HPS4: variants seen among roughly 807,000 people sequenced by gnomAD.
The protein encoded by HPS4 is BLOC-3 complex member HPS4.
Under a neutral mutation model 70.3 loss-of-function variants are expected in HPS4, and 44 were observed. The ratio of observed to expected loss-of-function variants is 0.63; its 90% CI spans 0.49 to 0.80. HPS4 has a LOEUF of 0.80. HPS4 is among the 30% of genes least tolerant of loss of function. HPS4 has a pLI of 0.00. For missense variants in HPS4, 873 were observed against 884.4 expected, an observed-to-expected ratio of 0.99 and a Z score of 0.16; for synonymous variants, 377 against 355.9, an observed-to-expected ratio of 1.06 and a Z score of -0.67.
At chr22:26,455,045 T>C (rs1035808179) in intron 13 of HPS4, among the ~76,000 whole-genome samples, 114 of 152,116 alleles carry the variant, frequency 7.5e-4, no homozygotes, top group African/African-American at 2.7e-3. Flanking sequence ...CCATCTCACA[T>C]CAGTTAGAAT....
intron 4 of HPS4, among the ~76,000 whole-genome samples, chr22:26,475,019 A>G (rs9608491): frequency 0.18 from 27,412 of 152,166 alleles, 2,651 homozygotes; most frequent in Admixed American, 0.21. Flanking sequence ...AAGTTCTAAC[A>G]GTTTCCTATA....
Position 26,451,424 on chromosome 22 carries a change from C to T in HPS4, c.*1809G>A, listed in dbSNP as rs114419177. 3.0e-4 allele frequency: 46 copies of T among 152,322 alleles called. No homozygotes were observed. The highest frequency in any genetic ancestry group is 1.0e-3 in the African/African-American group (43 of 41,564). 9.4% of individuals were successfully genotyped at this position (152,322 alleles called of 1,614,324 possible). A position where few individuals can be genotyped will look rare whatever the true frequency, so the allele number is the denominator to read the frequency against. ...TGCCCTGGGGCTCTGAGCAGAACCT[C>T]CACTGCAGAAACTAAGCAGGATCAA... On this transcript the variant is annotated 3_prime_UTR_variant, in exon 14 of 14. Transcript: ENST00000398145.
At chr22:26,472,549 T>G (rs2089980306) in intron 5 of HPS4, 131 bp from the exon 6 acceptor site, 2 of 786,632 alleles carry the variant, frequency 2.5e-6, no homozygotes. Context: ...GTTTTAAACC[T>G]ATCCCATCAC....
chr22:26,453,813 TGAG>T, intron 13 of HPS4: 1 of 287,006 alleles, frequency 3.5e-6, no homozygotes, highest in South Asian at 3.3e-5. Flanking sequence ...ACAAGGACCC[TGAG>T]GCTCAGAGTG....
intron 3 of HPS4, among the ~76,000 whole-genome samples, chr22:26,478,185 G>A (rs1424017667): frequency 1.3e-5 from 2 of 152,004 alleles, no homozygotes; most frequent in Non-Finnish European, 2.9e-5. Context: ...AGTTAGAGAT[G>A]TTGCTTGATA....
At chr22:26,458,106 C>T (rs192096285) in intron 12 of HPS4, 139 bp from the exon 13 acceptor site, 52 of 788,986 alleles carry the variant, frequency 6.6e-5, no homozygotes, top group African/African-American at 5.3e-4. Flanking sequence ...GACAAAGGCC[C>T]GGGGCATTGG....
intron 6 of HPS4, chr22:26,471,302 C>T (rs2089766032): frequency 6.6e-6 from 3 of 452,516 alleles, no homozygotes; most frequent in South Asian, 3.1e-5. Context: ...TATTCCATCA[C>T]ATAAAATGAA....
At chr22:26,470,867 A>C in intron 6 of HPS4, 54 bp from the exon 7 acceptor site, 2 of 1,607,990 alleles carry the variant, frequency 1.2e-6, no homozygotes, top group Non-Finnish European at 8.5e-7. Context: ...ACAATCAGGA[A>C]GGGAGAAAAG....
intron 7 of HPS4, among the ~76,000 whole-genome samples, chr22:26,468,996 A>T (rs371273388): frequency 6.6e-6 from 1 of 152,236 alleles, no homozygotes; most frequent in African/African-American, 2.4e-5. Flanking sequence ...TGAACCGGTA[A>T]GGAAATCTTC....
chr22:26,443,282 A>T (rs114618444), downstream of HPS4: 90 of 1,245,176 alleles, frequency 7.2e-5, no homozygotes, highest in African/African-American at 7.6e-4. Flanking sequence ...TCCAGTCCCT[A>T]CCGGTGTTGT....
rs765487795 is a variant in HPS4, at chr22:26,465,571, TG to T, written c.707-21del. The stretch of plus-strand genomic sequence containing the variant: ...CCGCTCCTGGAATTGCAAAGCAATA[TG>T]AACAGGACTTTCCCCTGAGCCAGAG... On this transcript the variant is annotated intron_variant, in intron 9 of 13. Coordinates refer to ENST00000398145, the MANE Select transcript of HPS4 (RefSeq NM_022081.6). 6.3e-7 allele frequency: 1 copy of T among 1,599,586 alleles called. No homozygotes were observed. Among genetic ancestry groups the T allele is most frequent in the East Asian group, 2.2e-5 (1 of 44,776 alleles).
downstream of HPS4, chr22:26,443,926 G>T (rs2084881955): frequency 1.3e-5 from 2 of 152,360 alleles, no homozygotes; most frequent in Admixed American, 1.3e-4. Flanking sequence ...TTCCTGCAAA[G>T]CTGAAGCTGG....
chr22:26,449,037 C>T (rs1397377407), downstream of HPS4, among the ~76,000 whole-genome samples: 1 of 152,096 alleles, frequency 6.6e-6, no homozygotes, highest in Non-Finnish European at 1.5e-5. Flanking sequence ...GGAGCACAGG[C>T]TGAGAGTATT....
rs2085403299 is a variant in HPS4, at chr22:26,452,675, T to C, written c.*558A>G. 1 of 245,998 alleles carries C rather than the reference T, an allele frequency of 4.1e-6. No individual in the cohort carries two copies. The highest frequency in any genetic ancestry group is 8.1e-6 in the Non-Finnish European group (1 of 123,848). 15.2% of individuals were successfully genotyped at this position (245,998 alleles called of 1,614,324 possible). On this transcript the variant is annotated 3_prime_UTR_variant, in exon 14 of 14. Coordinates refer to ENST00000398145, the MANE Select transcript of HPS4 (RefSeq NM_022081.6). Reference sequence around the variant, plus strand: ...AGAGTTCCAACAGAATTCAACCAAGTGGTCTCCGTGTGCTGCCGCTTCCCT... The same window carrying C: ...AGAGTTCCAACAGAATTCAACCAAGCGGTCTCCGTGTGCTGCCGCTTCCCT...
Position 26,452,601 on chromosome 22 carries a change from A to G in HPS4, c.*632T>C. 1 of 309,780 alleles carries G rather than the reference A, an allele frequency of 3.2e-6. No homozygotes were observed. The highest frequency in any genetic ancestry group is 2.7e-5 in the South Asian group (1 of 37,002). 19.2% of individuals were successfully genotyped at this position (309,780 alleles called of 1,614,324 possible). On this transcript the variant is annotated 3_prime_UTR_variant, in exon 14 of 14. Coordinates refer to ENST00000398145, the MANE Select transcript of HPS4 (RefSeq NM_022081.6). ...AGCCCAAACTCCCTTCCATATTATT[A>G]AGGCTTGCCCCCATTGTGGGTCCAA...
At chr22:26,454,244 A>G (rs562580940) in intron 13 of HPS4, among the ~76,000 whole-genome samples, 12 of 152,346 alleles carry the variant, frequency 7.9e-5, no homozygotes, top group African/African-American at 2.4e-4. Flanking sequence ...TGGCCCAGCA[A>G]GACAATCTCT....
At position 26,479,254 on chromosome 22, in the gene HPS4, G is replaced by C; in HGVS notation, c.132+11C>G. ...GATCCTCACTGAACAATAAAATGCT[G>C]TGTGGCTTACCTGGGAAGGATAAAA... On this transcript the variant is annotated intron_variant, in intron 3 of 13. Transcript: ENST00000398145. 1 of 1,614,070 alleles carries C rather than the reference G, an allele frequency of 6.2e-7. No individual in the cohort carries two copies. Among genetic ancestry groups the C allele is most frequent in the Non-Finnish European group, 8.5e-7 (1 of 1,179,944 alleles).
Position 26,468,533 on chromosome 22 carries a change from G to A in HPS4, c.669+18C>T, listed in dbSNP as rs1397118998. The A allele has an allele frequency of 3.1e-6, 5 of 1,610,636 alleles. No homozygotes were observed. In the Middle Eastern group the frequency reaches 5.0e-4, roughly 160 times the overall value. On this transcript the variant is annotated intron_variant, in intron 8 of 13. Coordinates refer to ENST00000398145, the MANE Select transcript of HPS4 (RefSeq NM_022081.6). ...TCTGGGGGATGCTGTCCAGCCAGGT[G>A]GGTGGACTTTACAATACCTGCTCCT... is the stretch of plus-strand genomic sequence containing the variant.
rs1478314146 is a variant in HPS4, at chr22:26,452,662, G to A, written c.*571C>T. 1 of 251,974 alleles carries A rather than the reference G, an allele frequency of 4.0e-6. No homozygotes were observed. The highest frequency in any genetic ancestry group is 7.9e-6 in the Non-Finnish European group (1 of 126,782). The allele number at this position is 251,974 out of a possible 1,614,324, so 15.6% of individuals were successfully genotyped here. A position where few individuals can be genotyped will look rare whatever the true frequency, so the allele number is the denominator to read the frequency against. ...CCTAGATTTGAGTAGAGTTCCAACAGAATTCAACCAAGTGGTCTCCGTGTG... is the reference window on the plus strand; with the variant it reads ...CCTAGATTTGAGTAGAGTTCCAACAAAATTCAACCAAGTGGTCTCCGTGTG... On this transcript the variant is annotated 3_prime_UTR_variant, in exon 14 of 14. Coordinates refer to ENST00000398145, the MANE Select transcript of HPS4 (RefSeq NM_022081.6).
Sources: gnomAD v4.1 joint callset for allele counts (sites outside exome capture counted in the v4.1 genomes callset) on GRCh38, gnomAD v4.1.1 for gene constraint, MANE v1.5 for transcripts, NCBI Gene and HGNC (gene_info 2026-07-23, HGNC 2026-07-21) for gene names.